Variants in HEATR5A observed in about 807,000 individuals in gnomAD.
The protein encoded by HEATR5A is HEAT repeat-containing protein 5A.
A neutral mutation model predicts 218.8 loss-of-function variants in HEATR5A; 178 were observed. That is an observed-to-expected ratio of 0.81 (90% confidence interval 0.72 to 0.92). HEATR5A has a LOEUF of 0.92. HEATR5A is among the 40% of genes least tolerant of loss of function. The probability of loss-of-function intolerance (pLI) is 0.00; values close to 1 mark genes in which losing one functional copy is unlikely to be tolerated. For synonymous variants in HEATR5A, 864 were observed against 871.6 expected, an observed-to-expected ratio of 0.99 and a Z score of 0.15; for missense variants, 2,420 against 2,418.9, an observed-to-expected ratio of 1.00 and a Z score of -0.01.
At chr14:31,303,042 G>A (rs1042798187) in intron 32 of HEATR5A, among the ~76,000 whole-genome samples, 1 of 151,864 alleles carries the variant, frequency 6.6e-6, no homozygotes, top group African/African-American at 2.4e-5. Context: ...AGCCCAGGGG[G>A]TTGAGGCTGC....
At chr14:31,406,425 C>T (rs540623300) in intron 1 of HEATR5A, among the ~76,000 whole-genome samples, 1 of 152,182 alleles carries the variant, frequency 6.6e-6, no homozygotes, top group African/African-American at 2.4e-5. Context: ...ATAGTCTAAG[C>T]AGTACTCTAA....
At chr14:31,382,136 T>C (rs1445179631) in intron 10 of HEATR5A, among the ~76,000 whole-genome samples, 1 of 152,170 alleles carries the variant, frequency 6.6e-6, no homozygotes, top group Non-Finnish European at 1.5e-5. Context: ...AAATATAATA[T>C]GGGAATGGGA....
At chr14:31,352,672 T>C (rs1595127745) in intron 16 of HEATR5A, among the ~76,000 whole-genome samples, 1 of 152,064 alleles carries the variant, frequency 6.6e-6, no homozygotes, top group Non-Finnish European at 1.5e-5. Flanking sequence ...TAAAATGTAA[T>C]AAAGGCCAGG....
chr14:31,384,249 T>C (rs572450224), intron 9 of HEATR5A, among the ~76,000 whole-genome samples: 23 of 152,056 alleles, frequency 1.5e-4, no homozygotes, highest in South Asian at 2.1e-4. Context: ...TTGAGACCAG[T>C]CTGGGCAACA....
At chr14:31,402,570 A>G (rs1274155655) in intron 2 of HEATR5A, among the ~76,000 whole-genome samples, 2 of 152,226 alleles carry the variant, frequency 1.3e-5, no homozygotes, top group Non-Finnish European at 2.9e-5. Flanking sequence ...AACAAAAACG[A>G]AGTATAATAG....
chr14:31,414,687 A>C (rs1219748995), intron 1 of HEATR5A, among the ~76,000 whole-genome samples: 1 of 152,182 alleles, frequency 6.6e-6, no homozygotes, highest in Non-Finnish European at 1.5e-5. Flanking sequence ...AAGTTTAGGC[A>C]TTAGACTCTA....
intron 28 of HEATR5A, among the ~76,000 whole-genome samples, chr14:31,309,561 A>C (rs1051989192): frequency 2.0e-5 from 3 of 152,356 alleles, no homozygotes; most frequent in Non-Finnish European, 2.9e-5. Flanking sequence ...TTTTAACTTC[A>C]TAAAAAGTTT....
rs747555676 is a variant in HEATR5A at position 31,349,800 on chromosome 14, A to G, written c.2697T>C (p.Val899=). The G allele has an allele frequency of 5.0e-6, 8 of 1,610,538 alleles. No homozygotes were observed. In the East Asian group the frequency reaches 1.3e-4, roughly 27 times the overall value. The change falls in exon 18 of 36, where the codon GTT becomes GTC. Residue 899 remains valine, a synonymous_variant. Coordinates refer to ENST00000543095, the MANE Select transcript of HEATR5A (RefSeq NM_015473.4). ...DGAFTAGLAQ[V]SFDKLKSARD... ...AGAAATTCACTTACTTGTCAAAGCT[A>G]ACTTGAGCTAATCCAGCAGTAAAAG... is the stretch of plus-strand genomic sequence containing the variant.
chr14:31,419,556 AATTCCTTAAGGGC>A (rs747552155), intron 1 of HEATR5A, among the ~76,000 whole-genome samples: 4 of 152,178 alleles, frequency 2.6e-5, no homozygotes, highest in Non-Finnish European at 5.9e-5. Flanking sequence ...TCAGGCTGTA[AATTCCTTAAGGGC>A]GCCTAGCCCC....
At chr14:31,312,832 AG>A in intron 28 of HEATR5A, 135 bp downstream of exon 28, 1 of 669,566 alleles carries the variant, frequency 1.5e-6, no homozygotes, top group Non-Finnish European at 2.5e-6. Context: ...CAGGAGGCAG[AG>A]GTTGCAGTGA....
rs1899079983 is a variant in HEATR5A at position 31,293,456 on chromosome 14, C to G, written c.5990G>C (p.Ser1997Thr). The change falls in exon 36 of 36, where the codon AGT becomes ACT. Residue 1997 changes from serine to threonine, a missense_variant. Coordinates refer to ENST00000543095, the MANE Select transcript of HEATR5A (RefSeq NM_015473.4). ...IGPQYSSVFK[S>T]LVASSPALKA... is the part of the protein sequence containing the mutation. ...TAGGGCTGGAGAAGAAGCCACTAAACTTTTAAAAACAGATGAATACTGAGG... is the reference window on the plus strand; with the variant it reads ...TAGGGCTGGAGAAGAAGCCACTAAAGTTTTAAAAACAGATGAATACTGAGG... 4 of 1,613,958 alleles carry G rather than the reference C, an allele frequency of 2.5e-6. No homozygotes were observed. The highest frequency in any genetic ancestry group is 3.4e-6 in the Non-Finnish European group (4 of 1,179,882).
chr14:31,318,513 GTC>G (rs1899983650), intron 25 of HEATR5A, among the ~76,000 whole-genome samples: 1 of 152,016 alleles, frequency 6.6e-6, no homozygotes, highest in African/African-American at 2.4e-5. Context: ...TTGAGACGGA[GTC>G]TCGCCCTGTC....
In HEATR5A at chr14:31,402,906, C is replaced by G; in HGVS notation, c.70G>C (p.Glu24Gln). The G allele has an allele frequency of 6.5e-7, 1 of 1,536,482 alleles. No individual in the cohort carries two copies. Among genetic ancestry groups the G allele is most frequent in the Admixed American group, 2.0e-5 (1 of 50,988 alleles). ...YNQLGEVQKA[E>Q]FIFEWLRYLE... ...TATCTCAACCACTCAAAAATAAACT[C>G]TGCCTTCTGAACTTCACCTAGTTGA... Residue 24 changes from glutamate (E) to glutamine (Q), a missense_variant, in exon 2 of 36, where the codon GAG (glutamate) becomes CAG (glutamine). Coordinates refer to ENST00000543095, the MANE Select transcript of HEATR5A (RefSeq NM_015473.4).
intron 1 of HEATR5A, among the ~76,000 whole-genome samples, chr14:31,407,163 C>T (rs2031098951): frequency 6.6e-6 from 1 of 151,900 alleles, no homozygotes; most frequent in Non-Finnish European, 1.5e-5. Flanking sequence ...TGGTGGTGCA[C>T]ACCTGCAGTC....
At chr14:31,417,097 T>A (rs891297808) in intron 1 of HEATR5A, among the ~76,000 whole-genome samples, 1 of 152,018 alleles carries the variant, frequency 6.6e-6, no homozygotes, top group Non-Finnish European at 1.5e-5. Context: ...AAAAAAACCC[T>A]GCTTTGAGTA....
intron 16 of HEATR5A, among the ~76,000 whole-genome samples, chr14:31,351,332 G>A (rs77250204): frequency 1.3e-5 from 2 of 151,834 alleles, no homozygotes; most frequent in Non-Finnish European, 2.9e-5. Flanking sequence ...GATGCTACAA[G>A]AAATCAAAAA....
Position 31,308,021 on chromosome 14 carries a change from CTGTGG to C in HEATR5A, c.4691-6_4691-2del. On this transcript the variant is annotated splice_acceptor_variant and splice_polypyrimidine_tract_variant and intron_variant, in intron 29 of 35. Transcript: ENST00000543095. LOFTEE classifies it high-confidence loss of function. ...GAACATAGAAATTCCACGCTGATTC[CTGTGG>C]AAAGCAAAAAAAGAGGAGGAGGCTT... 2 of 1,594,348 alleles carry C rather than the reference CTGTGG, an allele frequency of 1.3e-6. No homozygotes were observed. The highest frequency in any genetic ancestry group is 1.4e-5 in the African/African-American group (1 of 74,000).
intron 9 of HEATR5A, 124 bp from the exon 10 acceptor site, chr14:31,383,895 A>G: frequency 1.5e-6 from 1 of 676,946 alleles, no homozygotes; most frequent in East Asian, 2.9e-5. Context: ...ACATTATAAT[A>G]GAAAAATACA....
At chr14:31,402,447 A>G (rs371775130) in intron 2 of HEATR5A, among the ~76,000 whole-genome samples, 150 of 152,308 alleles carry the variant, frequency 9.8e-4, no homozygotes, top group Middle Eastern at 3.4e-3. Flanking sequence ...AGGCTCTTGA[A>G]TTCATACACC....
Sources: allele counts gnomAD v4.1 joint callset (sites outside exome capture counted in the v4.1 genomes callset), GRCh38; gene constraint gnomAD v4.1.1; transcripts MANE v1.5; gene names NCBI Gene and HGNC (gene_info 2026-07-23, HGNC 2026-07-21).